Variants in VCF1 observed in about 807,000 individuals in gnomAD.
VCF1 encodes protein VCF1.
At chr17:73,217,316 G>A in the VCF1 span, among the ~76,000 whole-genome samples, 1 of 151,420 alleles carries the variant, frequency 6.6e-6, no homozygotes, top group African/African-American at 2.4e-5. Flanking sequence ...ATGTGCCACT[G>A]CACTCTAGCC....
At chr17:73,209,690 C>T in the VCF1 span, 1 of 1,549,132 alleles carries the variant, frequency 6.5e-7, no homozygotes, top group East Asian at 2.4e-5. Flanking sequence ...AAGCTGCCTT[C>T]CGGCCCGCTG....
chr17:73,231,160 T>C, the VCF1 span, among the ~76,000 whole-genome samples: 2 of 152,148 alleles, frequency 1.3e-5, no homozygotes, highest in African/African-American at 4.8e-5. Context: ...TGGGGAACCC[T>C]AGGTTTTCAC....
chr17:73,232,229 G>A, the VCF1 span: 1 of 1,611,656 alleles, frequency 6.2e-7, no homozygotes, highest in Non-Finnish European at 8.5e-7. Flanking sequence ...CCGCTCGGGT[G>A]GACGCAGCCG....
At chr17:73,224,541 T>C in the VCF1 span, among the ~76,000 whole-genome samples, 1 of 152,204 alleles carries the variant, frequency 6.6e-6, no homozygotes, top group African/African-American at 2.4e-5. Flanking sequence ...TTTTCATTAG[T>C]AATGTTATTA....
the VCF1 span, chr17:73,227,362 T>C: frequency 0.53 from 533,272 of 1,008,050 alleles, 142,621 homozygotes; most frequent in East Asian, 0.62. Context: ...ATTTGCCCTC[T>C]GGCCTGAGAA....
At chr17:73,226,621 C>T in the VCF1 span, among the ~76,000 whole-genome samples, 1 of 152,194 alleles carries the variant, frequency 6.6e-6, no homozygotes, top group Non-Finnish European at 1.5e-5. Context: ...TACTGAAGCA[C>T]TCTTTCATGA....
chr17:73,213,838 C>T, the VCF1 span, among the ~76,000 whole-genome samples: 1 of 152,042 alleles, frequency 6.6e-6, no homozygotes, highest in African/African-American at 2.4e-5. Context: ...GGCGTGGTGG[C>T]GCATCCCTGT....
At chr17:73,225,899 ATTTTT>A in the VCF1 span, among the ~76,000 whole-genome samples, 18 of 114,844 alleles carry the variant, frequency 1.6e-4, no homozygotes, top group Middle Eastern at 4.8e-3. Flanking sequence ...ATATATATAT[ATTTTT>A]TTTTTTTTTT....
At chr17:73,225,152 G>T in the VCF1 span, among the ~76,000 whole-genome samples, 1 of 152,166 alleles carries the variant, frequency 6.6e-6, no homozygotes, top group Non-Finnish European at 1.5e-5. Flanking sequence ...TACCAGTAAT[G>T]ACCTTAAACG....
At chr17:73,207,360 CA>C in the VCF1 span, 1 of 1,040,834 alleles carries the variant, frequency 9.6e-7, no homozygotes, top group Non-Finnish European at 1.5e-6. Context: ...AACTGAATGA[CA>C]AAATGCACTA....
the VCF1 span, among the ~76,000 whole-genome samples, chr17:73,216,285 T>C: frequency 6.6e-6 from 1 of 151,892 alleles, no homozygotes; most frequent in Non-Finnish European, 1.5e-5. Flanking sequence ...GAAGAAGACA[T>C]AGGGTACTCG....
chr17:73,225,119 T>C, the VCF1 span, among the ~76,000 whole-genome samples: 5 of 144,504 alleles, frequency 3.5e-5, no homozygotes, highest in African/African-American at 7.6e-5. Context: ...TTAGGTGATC[T>C]ACCAGTGAGT....
At chr17:73,230,032 C>T in the VCF1 span, among the ~76,000 whole-genome samples, 1 of 151,948 alleles carries the variant, frequency 6.6e-6, no homozygotes, top group Non-Finnish European at 1.5e-5. Context: ...TGAGGTGGCT[C>T]ACATCTGTAA....
At chr17:73,210,495 T>TA in the VCF1 span, among the ~76,000 whole-genome samples, 143 of 140,448 alleles carry the variant, frequency 1.0e-3, no homozygotes, top group Middle Eastern at 3.6e-3. Context: ...GTTCATGTTT[T>TA]AAAAAAAAAA....
At chr17:73,227,200 T>C in the VCF1 span, 3 of 1,589,268 alleles carry the variant, frequency 1.9e-6, no homozygotes, top group East Asian at 4.6e-5. Context: ...ACAGGGTTTC[T>C]GCTACTTCTT....
the VCF1 span, among the ~76,000 whole-genome samples, chr17:73,224,261 TCC>T: frequency 3.8e-4 from 27 of 70,182 alleles, no homozygotes; most frequent in South Asian, 1.3e-3. Context: ...ACGTCGTCTC[TCC>T]AAAAAAAAAA....
chr17:73,219,896 G>C, the VCF1 span, among the ~76,000 whole-genome samples: 3 of 151,520 alleles, frequency 2.0e-5, no homozygotes, highest in Admixed American at 2.0e-4. Flanking sequence ...GATCACCTGA[G>C]CCTGGGGAGG....
the VCF1 span, chr17:73,207,971 C>T: frequency 5.6e-6 from 7 of 1,251,492 alleles, no homozygotes; most frequent in Non-Finnish European, 7.1e-6. Context: ...CCATCCAGTC[C>T]CTAAGCATGG....
At chr17:73,223,382 A>G in the VCF1 span, among the ~76,000 whole-genome samples, 2 of 152,244 alleles carry the variant, frequency 1.3e-5, no homozygotes, top group Non-Finnish European at 2.9e-5. Flanking sequence ...ACATTAATTT[A>G]TGCACACATG....
Sources: allele counts gnomAD v4.1 joint callset (sites outside exome capture counted in the v4.1 genomes callset), GRCh38; gene constraint gnomAD v4.1.1; transcripts MANE v1.5; gene names NCBI Gene and HGNC (gene_info 2026-07-23, HGNC 2026-07-21).